The following QTMAN variants were observed in gnomAD, a reference collection of about 807,000 sequenced individuals.
QTMAN encodes the protein queuosine-tRNA mannosyltransferase.
the QTMAN span, among the ~76,000 whole-genome samples, chr2:144,004,036 T>A: frequency 6.6e-6 from 1 of 152,040 alleles, no homozygotes. Context: ...TCTCCAGTGT[T>A]CCTTTCTCCT....
the QTMAN span, among the ~76,000 whole-genome samples, chr2:144,086,301 T>C: frequency 6.6e-6 from 1 of 152,102 alleles, no homozygotes; most frequent in Non-Finnish European, 1.5e-5. Context: ...GTCTACTATG[T>C]ACCAATAATT....
the QTMAN span, among the ~76,000 whole-genome samples, chr2:144,160,434 A>G: frequency 1.3e-5 from 2 of 152,110 alleles, no homozygotes; most frequent in Admixed American, 1.3e-4. Context: ...CAGTTGTACA[A>G]ATAAGAAAAC....
At chr2:144,190,544 A>C in the QTMAN span, among the ~76,000 whole-genome samples, 1 of 152,318 alleles carries the variant, frequency 6.6e-6, no homozygotes, top group African/African-American at 2.4e-5. Context: ...AGATGGCTGA[A>C]GCAAAGGAAA....
chr2:144,004,585 T>A, the QTMAN span, among the ~76,000 whole-genome samples: 1 of 152,074 alleles, frequency 6.6e-6, no homozygotes. Context: ...AGATTTTCAT[T>A]GAAGAGTCTT....
At chr2:144,133,155 T>TATATAA in the QTMAN span, among the ~76,000 whole-genome samples, 3 of 42,398 alleles carry the variant, frequency 7.1e-5, no homozygotes, top group African/African-American at 4.3e-4. Context: ...ATATATAATA[T>TATATAA]AATATAATAT....
chr2:144,235,340 G>C, the QTMAN span, among the ~76,000 whole-genome samples: 1 of 152,104 alleles, frequency 6.6e-6, no homozygotes, highest in Non-Finnish European at 1.5e-5. Flanking sequence ...AAGATTAAAG[G>C]AGTTAAATGT....
the QTMAN span, among the ~76,000 whole-genome samples, chr2:144,157,174 T>C: frequency 6.6e-6 from 1 of 152,092 alleles, no homozygotes; most frequent in Non-Finnish European, 1.5e-5. Context: ...GTTTGTTTAT[T>C]TTCTGTTTCA....
At chr2:144,125,008 C>T in the QTMAN span, among the ~76,000 whole-genome samples, 20 of 151,956 alleles carry the variant, frequency 1.3e-4, no homozygotes, top group African/African-American at 4.6e-4. Context: ...CTAAGTCATC[C>T]CAGGAAACTA....
At chr2:144,141,171 G>A in the QTMAN span, among the ~76,000 whole-genome samples, 2 of 151,924 alleles carry the variant, frequency 1.3e-5, no homozygotes, top group Non-Finnish European at 2.9e-5. Context: ...TCCCACTGAA[G>A]TACACTTTCT....
chr2:144,097,345 A>G, the QTMAN span, among the ~76,000 whole-genome samples: 1 of 152,184 alleles, frequency 6.6e-6, no homozygotes, highest in East Asian at 1.9e-4. Context: ...GACCTCTGGT[A>G]TTCTTTAACC....
At chr2:144,297,938 T>G in the QTMAN span, among the ~76,000 whole-genome samples, 3,010 of 151,952 alleles carry the variant, frequency 0.02, 40 homozygotes, top group Non-Finnish European at 0.03. Context: ...AAATTGAATA[T>G]AGACTGTATA....
the QTMAN span, among the ~76,000 whole-genome samples, chr2:144,106,968 T>C: frequency 6.6e-6 from 1 of 152,132 alleles, no homozygotes; most frequent in Non-Finnish European, 1.5e-5. Flanking sequence ...AAAACCTCTC[T>C]ACTACATGGA....
chr2:144,015,136 G>GA, the QTMAN span, among the ~76,000 whole-genome samples: 1 of 152,144 alleles, frequency 6.6e-6, no homozygotes, highest in Non-Finnish European at 1.5e-5. Context: ...ATGAGAATAA[G>GA]AAAAGCTACC....
chr2:144,284,831 A>G, the QTMAN span, among the ~76,000 whole-genome samples: 1 of 152,138 alleles, frequency 6.6e-6, no homozygotes, highest in African/African-American at 2.4e-5. Flanking sequence ...CCAGGAGTTC[A>G]AGATTAGCCT....
At chr2:144,147,392 C>T in the QTMAN span, among the ~76,000 whole-genome samples, 18 of 151,740 alleles carry the variant, frequency 1.2e-4, no homozygotes, top group Non-Finnish European at 1.9e-4. Context: ...ACCACTACCA[C>T]ATATAAGCCT....
the QTMAN span, chr2:143,951,074 C>T: frequency 1.3e-5 from 2 of 149,722 alleles, no homozygotes; most frequent in African/African-American, 2.5e-5. Context: ...AGGCTACGAA[C>T]AGGGAAGGGA....
chr2:144,234,899 G>A, the QTMAN span, among the ~76,000 whole-genome samples: 4 of 152,114 alleles, frequency 2.6e-5, no homozygotes, highest in South Asian at 2.1e-4. Flanking sequence ...CAATATACAC[G>A]CTTCTCTTAT....
chr2:144,235,602 A>G, the QTMAN span: 2 of 152,568 alleles, frequency 1.3e-5, no homozygotes, highest in Non-Finnish European at 2.9e-5. Context: ...TAAACAAGAC[A>G]TGATAGAAAA....
the QTMAN span, among the ~76,000 whole-genome samples, chr2:144,067,485 C>G: frequency 2.2e-4 from 34 of 152,188 alleles, no homozygotes; most frequent in African/African-American, 8.2e-4. Flanking sequence ...GGTTATGCCA[C>G]TCACTGCACA....
Sources: allele counts gnomAD v4.1 joint callset (sites outside exome capture counted in the v4.1 genomes callset), GRCh38; gene constraint gnomAD v4.1.1; transcripts MANE v1.5; gene names NCBI Gene and HGNC (gene_info 2026-07-23, HGNC 2026-07-21).